The following GASK1B variants were observed in gnomAD, a reference collection of about 807,000 sequenced individuals.
GASK1B encodes the protein Golgi-associated kinase 1B.
Under a neutral mutation model 42.8 loss-of-function variants are expected in GASK1B, and 34 were observed. The ratio of observed to expected loss-of-function variants is 0.79; its 90% CI spans 0.60 to 1.06. The LOEUF is 1.06. Ranked by LOEUF, GASK1B falls within the 50% of genes least tolerant of loss-of-function variation. The probability of loss-of-function intolerance (pLI) is 0.00; values close to 1 mark genes in which losing one functional copy is unlikely to be tolerated. For missense variants in GASK1B, 686 were observed against 661.0 expected (o/e 1.04, Z -0.42); for synonymous variants, 262 against 259.1 (o/e 1.01, Z -0.11).
chr4:158,164,518 G>C (rs1006133122), intron 2 of GASK1B, among the ~76,000 whole-genome samples: 1 of 152,198 alleles, frequency 6.6e-6, no homozygotes, highest in Non-Finnish European at 1.5e-5. Flanking sequence ...ACTGATGAAT[G>C]AATGTATTAA....
Position 158,141,821 on chromosome 4 carries a change from A to G in GASK1B, c.1126-10809T>C, listed in dbSNP as rs1731136510. 4.0e-5 allele frequency among the ~76,000 whole-genome samples: 6 copies of G among 148,862 alleles called. No homozygotes were observed. The South Asian group carries it at 1.3e-3, about 33-fold the overall frequency. ...ACGGGGTTTCACTGTGTTAGCCAGG[A>G]TGGTTTCGATGTCCTGACCTCGTGA... On this transcript the variant is annotated intron_variant, in intron 3 of 4. Coordinates refer to ENST00000585682, the MANE Select transcript of GASK1B (RefSeq NM_001128424.2).
At chr4:158,141,124 C>G (rs56167625) in intron 3 of GASK1B, among the ~76,000 whole-genome samples, 1 of 152,028 alleles carries the variant, frequency 6.6e-6, no homozygotes, top group Non-Finnish European at 1.5e-5. Context: ...AGAAAAACAA[C>G]GCCAGCAATC....
intron 3 of GASK1B, among the ~76,000 whole-genome samples, chr4:158,137,756 C>A (rs1027319930): frequency 1.3e-5 from 2 of 152,082 alleles, no homozygotes; most frequent in South Asian, 2.1e-4. Context: ...GTATCACCTG[C>A]GAACTCTCAC....
intron 3 of GASK1B, among the ~76,000 whole-genome samples, chr4:158,138,688 A>G (rs972814841): frequency 3.9e-5 from 6 of 152,056 alleles, no homozygotes; most frequent in Admixed American, 2.0e-4. Context: ...ATAAGTAAAG[A>G]TAAGCTAAAT....
chr4:158,159,398 G>C, intron 2 of GASK1B: 1 of 348,540 alleles, frequency 2.9e-6, no homozygotes, highest in Middle Eastern at 5.2e-4. Context: ...CTACTGTTGA[G>C]GAGAATTCCA....
chr4:158,155,820 G>C lies in GASK1B; in HGVS notation c.916C>G (p.Arg306Gly), dbSNP rs138441214. The change falls in exon 3 of 5, where the codon CGC becomes GGC. Residue 306 changes from arginine (R) to glycine (G), a missense_variant. Arg to Gly is a moderately radical substitution (Grantham distance 125). Coordinates refer to ENST00000585682, the MANE Select transcript of GASK1B (RefSeq NM_001128424.2). ...TCCCAAAGAATGATGGGGCATGGGC[G>C]GCCATCTATAGAATCAGAAAAACAA... ...SRKAEFIQDG[R>G]PCPIILWDAS... 5 of 1,613,344 alleles carry C rather than the reference G, an allele frequency of 3.1e-6. No homozygotes were observed. Among genetic ancestry groups the C allele is most frequent in the Non-Finnish European group, 4.2e-6 (5 of 1,179,506 alleles).
At chr4:158,131,136 C>T in intron 3 of GASK1B, 124 bp from the exon 4 acceptor site, 1 of 747,604 alleles carries the variant, frequency 1.3e-6, no homozygotes, top group South Asian at 1.9e-5. Context: ...GGGCCAGGCT[C>T]ATTTAATTAA....
intron 3 of GASK1B, among the ~76,000 whole-genome samples, chr4:158,134,392 C>T (rs4691456): frequency 0.89 from 134,818 of 152,212 alleles, 60,790 homozygotes; most frequent in East Asian, 0.98. Context: ...TGTACATCTA[C>T]GTGTCTGCGT....
intron 2 of GASK1B, among the ~76,000 whole-genome samples, chr4:158,160,653 A>G (rs896832445): frequency 6.6e-6 from 1 of 152,198 alleles, no homozygotes; most frequent in African/African-American, 2.4e-5. Context: ...CTGCACTCCC[A>G]TGTTCACTGC....
At position 158,170,665 on chromosome 4, in the gene GASK1B, A is replaced by G. The variant is rs1035317574; in HGVS notation, c.711T>C (p.Pro237=). ...AACGGGCTCCGCTCCTAGAGGACAC[A>G]GGCCGGAGCCCTGCCACTGCGCTGT... ...LADSAVAGLR[P]VSSRSGARLL... Residue 237 remains proline, a synonymous_variant, in exon 2 of 5, where the codon CCT becomes CCC. Transcript: ENST00000585682. 18 of 1,613,966 alleles carry G rather than the reference A, an allele frequency of 1.1e-5. No individual in the cohort carries two copies. The highest frequency in any genetic ancestry group is 1.4e-5 in the Non-Finnish European group (17 of 1,180,052).
chr4:158,136,058 A>C (rs2110940845), intron 3 of GASK1B, among the ~76,000 whole-genome samples: 1 of 152,316 alleles, frequency 6.6e-6, no homozygotes, highest in African/African-American at 2.4e-5. Flanking sequence ...TTATTCTATC[A>C]AATTATTATC....
chr4:158,149,922 G>GTTTTTTTTTT (rs1560785203), intron 3 of GASK1B, among the ~76,000 whole-genome samples: 2 of 15,524 alleles, frequency 1.3e-4, no homozygotes, highest in Non-Finnish European at 2.1e-4. Context: ...TCTGCATGCT[G>GTTTTTTTTTT]CTTTTTTTTT....
intron 3 of GASK1B, among the ~76,000 whole-genome samples, chr4:158,153,634 T>C (rs1056007559): frequency 2.5e-4 from 38 of 151,840 alleles, no homozygotes; most frequent in African/African-American, 9.0e-4. Context: ...ACCAAAACAA[T>C]ATGATACTGG....
chr4:158,148,868 A>G (rs1026760677), intron 3 of GASK1B, among the ~76,000 whole-genome samples: 2 of 152,210 alleles, frequency 1.3e-5, no homozygotes, highest in African/African-American at 4.8e-5. Context: ...AAGACTGGGG[A>G]TCAGCTGGAA....
chr4:158,146,666 C>T (rs1205663067), intron 3 of GASK1B, among the ~76,000 whole-genome samples: 1 of 152,198 alleles, frequency 6.6e-6, no homozygotes, highest in East Asian at 1.9e-4. Flanking sequence ...ATGTAACTGA[C>T]TGCAGAGTCC....
intron 2 of GASK1B, chr4:158,168,482 TAATAATAATAACC>T (rs1327370938): frequency 6.6e-6 from 1 of 152,138 alleles, no homozygotes; most frequent in Non-Finnish European, 1.5e-5. Context: ...GGTACAATAA[TAATAATAATAACC>T]AATATTTATT....
intron 2 of GASK1B, among the ~76,000 whole-genome samples, chr4:158,162,416 A>AT (rs1732055565): frequency 6.6e-6 from 1 of 152,120 alleles, no homozygotes; most frequent in African/African-American, 2.4e-5. Flanking sequence ...TTCTGAGTGC[A>AT]TTTTTTCAGA....
In GASK1B at chr4:158,131,049, G is replaced by A. The variant is rs770660430; in HGVS notation, c.1126-37C>T. ...AAACACAAAATCCAAGATGCTGAGT[G>A]AAAACAAAACTTGGGAAAGTTACAA... On this transcript the variant is annotated intron_variant, in intron 3 of 4. Coordinates refer to ENST00000585682, the MANE Select transcript of GASK1B (RefSeq NM_001128424.2). 7.7e-6 allele frequency: 12 copies of A among 1,554,222 alleles called. No homozygotes were observed. In the South Asian group the frequency reaches 1.4e-4, roughly 18 times the overall value.
intron 3 of GASK1B, among the ~76,000 whole-genome samples, chr4:158,154,533 C>T (rs1046963376): frequency 6.6e-6 from 1 of 152,178 alleles, no homozygotes; most frequent in African/African-American, 2.4e-5. Flanking sequence ...GAAAAGAAGT[C>T]ATTATACAAA....
Sources: allele counts gnomAD v4.1 joint callset (sites outside exome capture counted in the v4.1 genomes callset), GRCh38; gene constraint gnomAD v4.1.1; transcripts MANE v1.5; gene names NCBI Gene and HGNC (gene_info 2026-07-23, HGNC 2026-07-21).